MPC1: variants seen among roughly 807,000 people sequenced by gnomAD.
MPC1 encodes HSPC040 protein.
In MPC1, 6 loss-of-function variants were observed where a neutral mutation model predicts 13.9. The ratio of observed to expected loss-of-function variants is 0.43; its 90% CI spans 0.24 to 0.85. The LOEUF is 0.85. Ranked by LOEUF, MPC1 falls within the 40% of genes least tolerant of loss-of-function variation. MPC1 has a pLI of 0.24. For missense variants in MPC1, 115 were observed against 143.3 expected, an observed-to-expected ratio of 0.80 and a Z score of 1.01; for synonymous variants, 47 against 50.5, an observed-to-expected ratio of 0.93 and a Z score of 0.29.
At position 166,365,668 on chromosome 6, in the gene MPC1, C is replaced by A. The variant is rs1779122301; in HGVS notation, c.306-215G>T. On this transcript the variant is annotated intron_variant, in intron 4 of 4. Coordinates refer to ENST00000360961, the MANE Select transcript of MPC1 (RefSeq NM_016098.4). This position sits in a 1 kb window ranked among gnomAD's most constrained non-coding sequence, Gnocchi z 4.2. ...AGATTTCGGAATAACTGGATTATACCAGTTGAACATCCCTAAACTGAAAAT... is the reference window on the plus strand; with the variant it reads ...AGATTTCGGAATAACTGGATTATACAAGTTGAACATCCCTAAACTGAAAAT... 6.6e-6 allele frequency among the ~76,000 whole-genome samples: 1 copy of A among 152,108 alleles called. No homozygotes were observed. The highest frequency in any genetic ancestry group is 1.5e-5 in the Non-Finnish European group (1 of 68,026).
intron 1 of MPC1, among the ~76,000 whole-genome samples, chr6:166,381,323 T>C (rs1466753050): frequency 6.6e-6 from 1 of 152,254 alleles, no homozygotes; most frequent in Non-Finnish European, 1.5e-5. Flanking sequence ...GTTTACCATA[T>C]GGCAGACTGA....
At chr6:166,376,772 C>T (rs1405762822) in intron 1 of MPC1, among the ~76,000 whole-genome samples, 2 of 152,182 alleles carry the variant, frequency 1.3e-5, no homozygotes, top group African/African-American at 4.8e-5. Flanking sequence ...TCTATAGCTA[C>T]CAACGCCTTT....
intron 1 of MPC1, among the ~76,000 whole-genome samples, chr6:166,373,662 G>A (rs997784496): frequency 6.6e-6 from 1 of 152,218 alleles, no homozygotes; most frequent in Non-Finnish European, 1.5e-5. Flanking sequence ...GTAAGAAACT[G>A]CCAAACTGTT....
chr6:166,369,992 G>A lies in MPC1; in HGVS notation c.75+226C>T, dbSNP rs753188228. 3 of 688,920 alleles carry A rather than the reference G, an allele frequency of 4.4e-6. No homozygotes were observed. In the South Asian group the frequency reaches 4.6e-5, roughly 10 times the overall value. 42.7% of individuals were successfully genotyped at this position (688,920 alleles called of 1,614,324 possible). On this transcript the variant is annotated intron_variant, in intron 2 of 4. Coordinates refer to ENST00000360961, the MANE Select transcript of MPC1 (RefSeq NM_016098.4). ...TTATCAATGAAGTAATTATATGCTTGTTTCTAAAAACAGGAGTAGGGAGCA... is the reference window on the plus strand; with the variant it reads ...TTATCAATGAAGTAATTATATGCTTATTTCTAAAAACAGGAGTAGGGAGCA...
At chr6:166,367,160 T>C in intron 2 of MPC1, 1 of 1,279,562 alleles carries the variant, frequency 7.8e-7, no homozygotes, top group Non-Finnish European at 1.0e-6. Flanking sequence ...GTTTCCACAC[T>C]ACAACCAAGT....
chr6:166,380,697 TG>T (rs1257666601), intron 1 of MPC1, among the ~76,000 whole-genome samples: 1 of 152,108 alleles, frequency 6.6e-6, no homozygotes, highest in Non-Finnish European at 1.5e-5. Context: ...CCCAGCACTT[TG>T]GGAGGCCGAG....
intron 1 of MPC1, among the ~76,000 whole-genome samples, chr6:166,379,485 C>A (rs1039336603): frequency 4.6e-5 from 7 of 151,474 alleles, no homozygotes; most frequent in African/African-American, 1.2e-4. Context: ...CAGAGTAATA[C>A]CCTGTCTCTA....
At chr6:166,367,483 T>G (rs1779204696) in intron 2 of MPC1, among the ~76,000 whole-genome samples, 1 of 152,152 alleles carries the variant, frequency 6.6e-6, no homozygotes, top group Non-Finnish European at 1.5e-5. Flanking sequence ...ACTAAGAAAT[T>G]AAGATTGGAA....
At chr6:166,374,820 A>C (rs1779511100) in intron 1 of MPC1, among the ~76,000 whole-genome samples, 1 of 152,194 alleles carries the variant, frequency 6.6e-6, no homozygotes, top group African/African-American at 2.4e-5. Context: ...CTTTGCCAGT[A>C]CCACGCTGTC....
At chr6:166,382,551 G>A (rs545377667) in intron 1 of MPC1, among the ~76,000 whole-genome samples, 2 of 151,800 alleles carry the variant, frequency 1.3e-5, no homozygotes, top group Non-Finnish European at 2.9e-5. Context: ...CCGCCCTGAG[G>A]GGCGCCCACT....
At position 166,366,776 on chromosome 6, in the gene MPC1, T is replaced by C. The variant is rs373986178; in HGVS notation, c.172+19A>G. On this transcript the variant is annotated intron_variant, in intron 3 of 4. Coordinates refer to ENST00000360961, the MANE Select transcript of MPC1 (RefSeq NM_016098.4). ...ACTATGTTGAAAGTCCTCCCAATTA[T>C]CCAAATCTGCATTCTTACCAAATGT... 3 of 1,611,338 alleles carry C rather than the reference T, an allele frequency of 1.9e-6. No individual in the cohort carries two copies. Among genetic ancestry groups the C allele is most frequent in the Non-Finnish European group, 2.5e-6 (3 of 1,177,510 alleles).
chr6:166,374,446 T>C (rs972303379), intron 1 of MPC1, among the ~76,000 whole-genome samples: 1 of 152,356 alleles, frequency 6.6e-6, no homozygotes, highest in Non-Finnish European at 1.5e-5. Context: ...GTCCAGCTTA[T>C]CAATTATTTC....
At chr6:166,368,922 G>A in intron 2 of MPC1, 1 of 985,360 alleles carries the variant, frequency 1.0e-6, no homozygotes, top group Non-Finnish European at 1.2e-6. Context: ...ACTTTATCAT[G>A]CATGAACCCA....
At chr6:166,373,987 G>A (rs990579030) in intron 1 of MPC1, among the ~76,000 whole-genome samples, 2 of 151,850 alleles carry the variant, frequency 1.3e-5, no homozygotes, top group African/African-American at 4.8e-5. Context: ...TGTGGGTTTT[G>A]TTGGCTTGTT....
In MPC1 at chr6:166,365,424, C is replaced by T; in HGVS notation, c.*5G>A. On this transcript the variant is annotated 3_prime_UTR_variant, in exon 5 of 5. Coordinates refer to ENST00000360961, the MANE Select transcript of MPC1 (RefSeq NM_016098.4). The surrounding 1 kb of genome is among the most constrained non-coding windows in gnomAD (Gnocchi z 4.2). ...CTTCAAGACCTTGTTCTTCCTTTTC[C>T]ATTGTTATGCAGATGCCGTTTTAGT... 1 of 1,568,586 alleles carries T rather than the reference C, an allele frequency of 6.4e-7. No homozygotes were observed.
chr6:166,377,211 T>A (rs1779601603), intron 1 of MPC1, among the ~76,000 whole-genome samples: 1 of 150,410 alleles, frequency 6.6e-6, no homozygotes, highest in Non-Finnish European at 1.5e-5. Context: ...GGCAGACCCA[T>A]GCCGGCACCC....
chr6:166,370,028 C>G (rs1562458023), intron 2 of MPC1, 190 bp downstream of exon 2: 1 of 710,634 alleles, frequency 1.4e-6, no homozygotes, highest in East Asian at 2.7e-5. Flanking sequence ...GCCCCAGGAG[C>G]ATGGCTGTCA....
At position 166,365,992 on chromosome 6, in the gene MPC1, C is replaced by G; in HGVS notation, c.287G>C (p.Gly96Ala). Residue 96 changes from glycine to alanine, a missense_variant, in exon 4 of 5, where the codon GGG becomes GCG. Coordinates refer to ENST00000360961, the MANE Select transcript of MPC1 (RefSeq NM_016098.4). The surrounding 1 kb of genome is among the most constrained non-coding windows in gnomAD (Gnocchi z 4.2). Reference protein sequence around the residue: ...TNEVAQLIQGGRLIKHEMTKT... With the variant: ...TNEVAQLIQGARLIKHEMTKT... Reference sequence around the variant, plus strand: ...TGCTTACTCGTGTTTGATAAGCCGCCCTCCCTGGATGAGCTGGGCTACTTC... The same window carrying G: ...TGCTTACTCGTGTTTGATAAGCCGCGCTCCCTGGATGAGCTGGGCTACTTC... The G allele has an allele frequency of 6.2e-7, 1 of 1,613,342 alleles. No individual in the cohort carries two copies. The highest frequency in any genetic ancestry group is 8.5e-7 in the Non-Finnish European group (1 of 1,179,480).
intron 1 of MPC1, 72 bp from the exon 2 acceptor site, chr6:166,370,293 T>G (rs1685285051): frequency 2.9e-6 from 2 of 697,262 alleles, no homozygotes; most frequent in Non-Finnish European, 5.2e-6. Context: ...ATCAAATGAT[T>G]TTGGTCTTAT....
Sources: gnomAD v4.1 joint callset for allele counts (sites outside exome capture counted in the v4.1 genomes callset) on GRCh38, gnomAD v4.1.1 for gene constraint, Gnocchi (gnomAD v3.1) non-coding constraint, MANE v1.5 for transcripts, NCBI Gene and HGNC (gene_info 2026-07-23, HGNC 2026-07-21) for gene names.